Variants in ALLC observed in about 807,000 individuals in gnomAD.
ALLC encodes the protein allantoicase.
A neutral mutation model predicts 45.0 loss-of-function variants in ALLC; 40 were observed. The observed-to-expected ratio is 0.89, with a 90% CI of 0.69 to 1.16. The LOEUF (loss-of-function observed/expected upper bound fraction) is 1.16. Among genes scored for constraint, ALLC ranks in the 50% most tolerant of loss-of-function variants. The pLI, the probability that ALLC is intolerant of heterozygous loss-of-function variation, is 0.00. For synonymous variants in ALLC, 176 were observed against 178.1 expected (o/e 0.99, Z 0.09); for missense variants, 488 against 493.1 (o/e 0.99, Z 0.10).
At chr2:3,699,708 T>G (rs1373749442) in intron 10 of ALLC, among the ~76,000 whole-genome samples, 2 of 152,120 alleles carry the variant, frequency 1.3e-5, no homozygotes, top group Non-Finnish European at 2.9e-5. Flanking sequence ...ACTGGGAGAT[T>G]GTATCTCCCA....
chr2:3,696,180 C>T (rs1242221968), intron 8 of ALLC, 95 bp from the exon 9 acceptor site: 3 of 977,966 alleles, frequency 3.1e-6, no homozygotes, highest in Non-Finnish European at 4.7e-6. Context: ...TAGCAATGCT[C>T]AGATGCATAA....
intron 7 of ALLC, among the ~76,000 whole-genome samples, chr2:3,684,927 A>G (rs368830849): frequency 1.3e-5 from 2 of 152,338 alleles, no homozygotes; most frequent in South Asian, 2.1e-4. Context: ...TCCATTGTGT[A>G]TATATACCAC....
the ALLC span, among the ~76,000 whole-genome samples, chr2:3,647,706 C>G: frequency 6.6e-6 from 1 of 152,016 alleles, no homozygotes; most frequent in Non-Finnish European, 1.5e-5. Context: ...CACACATCCT[C>G]TCCTGATGCC....
intron 6 of ALLC, 114 bp downstream of exon 6, chr2:3,681,827 T>C: frequency 4.0e-6 from 3 of 741,428 alleles, no homozygotes; most frequent in South Asian, 2.0e-5. Context: ...GCCCTGATGC[T>C]CCCCACATCA....
chr2:3,671,211 C>T, intron 2 of ALLC, 21 bp downstream of exon 2: 1 of 1,606,942 alleles, frequency 6.2e-7, no homozygotes, highest in South Asian at 1.1e-5. Flanking sequence ...CTCTCATGGC[C>T]AAACAAGGGT....
chr2:3,690,796 A>T (rs1667496202), intron 7 of ALLC, among the ~76,000 whole-genome samples: 1 of 152,098 alleles, frequency 6.6e-6, no homozygotes. Flanking sequence ...CAACAAAAAG[A>T]TTATTATTTT....
chr2:3,649,222 G>A, the ALLC span, among the ~76,000 whole-genome samples: 1 of 150,280 alleles, frequency 6.7e-6, no homozygotes, highest in Admixed American at 6.6e-5. Flanking sequence ...ACCAGACTTC[G>A]AAAAAAGACC....
At chr2:3,678,914 C>T (rs1276449866) in intron 4 of ALLC, among the ~76,000 whole-genome samples, 2 of 152,172 alleles carry the variant, frequency 1.3e-5, no homozygotes, top group African/African-American at 4.8e-5. Context: ...GTCTCTTTAT[C>T]CCCGTTTAAC....
chr2:3,663,264 C>G (rs1256621693), intron 1 of ALLC, among the ~76,000 whole-genome samples: 2 of 152,122 alleles, frequency 1.3e-5, no homozygotes, highest in African/African-American at 4.8e-5. Context: ...AGATCATGTC[C>G]TTTGTAGGAA....
In ALLC at chr2:3,668,566, C is replaced by CTTTTTTTT. The variant is rs1173613810; in HGVS notation, c.-62-2510_-62-2503dup. On this transcript the variant is annotated intron_variant, in intron 1 of 11. Coordinates refer to ENST00000252505, the MANE Select transcript of ALLC (RefSeq NM_018436.4). Reference sequence around the variant, plus strand: ...TGTGTAATATGCATAATGTGTATGACTTTTTTTTTTTTTTTTTTTTTTTTT... The same window carrying CTTTTTTTT: ...TGTGTAATATGCATAATGTGTATGACTTTTTTTTTTTTTTTTTTTTTTTTTTTTTTTTT... Among the ~76,000 whole-genome samples, 336 of 71,880 alleles carry CTTTTTTTT rather than the reference C, an allele frequency of 4.7e-3. 65 individuals carry two copies. Among genetic ancestry groups the CTTTTTTTT allele is most frequent in the African/African-American group, 0.022 (305 of 13,662 alleles). 47.2% of individuals were successfully genotyped at this position (71,880 alleles called of 152,430 possible).
At chr2:3,668,685 C>T (rs1666790240) in intron 1 of ALLC, among the ~76,000 whole-genome samples, 1 of 144,004 alleles carries the variant, frequency 6.9e-6, no homozygotes, top group Non-Finnish European at 1.5e-5. Context: ...AAGTGATTCT[C>T]CTGCCTCAGC....
chr2:3,655,656 C>G (rs1290803423), upstream of ALLC, among the ~76,000 whole-genome samples: 1 of 152,138 alleles, frequency 6.6e-6, no homozygotes, highest in Non-Finnish European at 1.5e-5. Context: ...GATGGGGTCT[C>G]ACTGTGTTGC....
intron 1 of ALLC, among the ~76,000 whole-genome samples, chr2:3,668,955 A>G (rs1666796827): frequency 6.6e-6 from 1 of 152,076 alleles, no homozygotes; most frequent in African/African-American, 2.4e-5. Context: ...GAATATTCCC[A>G]CTGTCCAGCA....
the ALLC span, among the ~76,000 whole-genome samples, chr2:3,651,313 TGGGGGGGG>T: frequency 1.2e-4 from 1 of 8,532 alleles, no homozygotes; most frequent in Admixed American, 1.1e-3. Flanking sequence ...GGTGGGTGGG[TGGGGGGGG>T]TGTGTGTGTG....
chr2:3,663,396 G>A (rs1231758231), intron 1 of ALLC, among the ~76,000 whole-genome samples: 1 of 152,142 alleles, frequency 6.6e-6, no homozygotes, highest in East Asian at 1.9e-4. Context: ...ATGTTGGGGG[G>A]AACATCACAC....
intron 2 of ALLC, among the ~76,000 whole-genome samples, chr2:3,672,121 A>ACC (rs1666893797): frequency 8.8e-6 from 1 of 113,236 alleles, no homozygotes; most frequent in Admixed American, 7.8e-5. Flanking sequence ...CTCTAGTTAG[A>ACC]TTGGAGGTCC....
chr2:3,683,339 A>G (rs1186740520), intron 7 of ALLC, among the ~76,000 whole-genome samples: 1 of 152,236 alleles, frequency 6.6e-6, no homozygotes, highest in African/African-American at 2.4e-5. Context: ...TAGATTTCAC[A>G]AGTATGTTAT....
chr2:3,683,641 T>C (rs1278142704), intron 7 of ALLC, among the ~76,000 whole-genome samples: 1 of 152,238 alleles, frequency 6.6e-6, no homozygotes, highest in Admixed American at 6.5e-5. Context: ...GTAGGAATTA[T>C]ATAATATTGG....
chr2:3,680,993 A>T lies in ALLC; in HGVS notation c.299-641A>T, dbSNP rs906120854. Among the ~76,000 whole-genome samples, 1 of 152,204 alleles carries T rather than the reference A, an allele frequency of 6.6e-6. No individual in the cohort carries two copies. The highest frequency in any genetic ancestry group is 1.5e-5 in the Non-Finnish European group (1 of 68,050). Reference sequence around the variant, plus strand: ...GTTGACTTTAGCATTAATTAAAAAAAATATACAATTATGTGTGTGTTTATA... The same window carrying T: ...GTTGACTTTAGCATTAATTAAAAAATATATACAATTATGTGTGTGTTTATA... On this transcript the variant is annotated intron_variant, in intron 5 of 11. Transcript: ENST00000252505. This position sits in a 1 kb window ranked among gnomAD's most constrained non-coding sequence, Gnocchi z 4.0.
Sources: allele counts gnomAD v4.1 joint callset (sites outside exome capture counted in the v4.1 genomes callset), GRCh38; gene constraint gnomAD v4.1.1; non-coding constraint Gnocchi (gnomAD v3.1); transcripts MANE v1.5; gene names NCBI Gene and HGNC (gene_info 2026-07-23, HGNC 2026-07-21).